GLDC: variants seen among roughly 807,000 people sequenced by gnomAD.
The protein encoded by GLDC is glycine dehydrogenase (decarboxylating), mitochondrial.
Under a neutral mutation model 121.3 loss-of-function variants are expected in GLDC, and 104 were observed. The observed-to-expected ratio is 0.86, with a 90% CI of 0.73 to 1.01. GLDC has a LOEUF of 1.01. GLDC is among the 50% of genes least tolerant of loss of function. The pLI is 0.00. For missense variants in GLDC, 1,429 were observed against 1,306.6 expected, an observed-to-expected ratio of 1.09 and a Z score of -1.44; for synonymous variants, 546 against 480.6, an observed-to-expected ratio of 1.14 and a Z score of -1.78.
intron 15 of GLDC, among the ~76,000 whole-genome samples, chr9:6,577,126 G>A (rs956358353): frequency 2.0e-5 from 3 of 152,218 alleles, no homozygotes; most frequent in Non-Finnish European, 2.9e-5. Context: ...AGAAGACAGC[G>A]CGGAAAGGCA....
rs941988795 is a variant in GLDC at position 6,620,097 on chromosome 9, G to A, written c.470+87C>T. The A allele has an allele frequency of 6.7e-5, 88 of 1,314,730 alleles. 1 individual carries two copies. The highest frequency in any genetic ancestry group is 3.3e-4 in the African/African-American group (23 of 69,488). The allele number at this position is 1,314,730 out of a possible 1,614,324, so 81.4% of individuals were successfully genotyped here. A position where few individuals can be genotyped will look rare whatever the true frequency, so the allele number is the denominator to read the frequency against. On this transcript the variant is annotated intron_variant, in intron 3 of 24. Coordinates refer to ENST00000321612, the MANE Select transcript of GLDC (RefSeq NM_000170.3). ...CTAGGAGGTGGGTGTCAGTGTGGAG[G>A]CTCTGAGACTGCAAGGGGACAGATG...
intron 15 of GLDC, among the ~76,000 whole-genome samples, chr9:6,567,908 T>A (rs1199700817): frequency 6.6e-6 from 1 of 152,254 alleles, no homozygotes; most frequent in Non-Finnish European, 1.5e-5. Context: ...GTACTCTGCA[T>A]GTAGTAGTTC....
At chr9:6,535,739 T>C (rs1480746044) in intron 23 of GLDC, among the ~76,000 whole-genome samples, 1 of 152,208 alleles carries the variant, frequency 6.6e-6, no homozygotes, top group African/African-American at 2.4e-5. Flanking sequence ...GAATGTGTGC[T>C]TGTACAGAGT....
intron 21 of GLDC, among the ~76,000 whole-genome samples, chr9:6,548,832 G>A (rs780319625): frequency 2.6e-5 from 4 of 152,062 alleles, no homozygotes; most frequent in African/African-American, 9.7e-5. Context: ...TCCCCCATCT[G>A]TTTTTCTCTC....
intron 15 of GLDC, among the ~76,000 whole-genome samples, chr9:6,575,130 C>T (rs982984117): frequency 2.0e-5 from 3 of 150,056 alleles, no homozygotes; most frequent in Non-Finnish European, 4.4e-5. Context: ...CGCTTGAATT[C>T]GGGAGTCAGA....
chr9:6,542,930 T>C (rs1026144465), intron 21 of GLDC, among the ~76,000 whole-genome samples: 2 of 139,222 alleles, frequency 1.4e-5, no homozygotes, highest in African/African-American at 5.3e-5. Flanking sequence ...ATCCTATTCA[T>C]GGGTAGGTAA....
At chr9:6,563,409 G>A (rs1048558573) in intron 16 of GLDC, among the ~76,000 whole-genome samples, 20 of 152,308 alleles carry the variant, frequency 1.3e-4, no homozygotes, top group South Asian at 4.1e-4. Flanking sequence ...TGGAGGAGTC[G>A]GGTGGAGATG....
At chr9:6,554,213 C>A (rs552862510) in intron 19 of GLDC, among the ~76,000 whole-genome samples, 1 of 152,248 alleles carries the variant, frequency 6.6e-6, no homozygotes, top group African/African-American at 2.4e-5. Flanking sequence ...TTTCTAGTAA[C>A]CAGGTTTGTT....
chr9:6,612,383 TAAG>T (rs958875536), intron 3 of GLDC, among the ~76,000 whole-genome samples: 4 of 151,970 alleles, frequency 2.6e-5, no homozygotes, highest in East Asian at 3.9e-4. Context: ...CTGTCAAAGA[TAAG>T]AAGATGTTGG....
intron 24 of GLDC, among the ~76,000 whole-genome samples, chr9:6,533,559 T>G (rs1360004036): frequency 2.0e-5 from 3 of 152,214 alleles, no homozygotes; most frequent in Admixed American, 6.5e-5. Flanking sequence ...ATTCAGTTGA[T>G]TTAAAAGTTA....
At position 6,645,685 on chromosome 9, in the gene GLDC, G is replaced by C. The variant is rs899672550; in HGVS notation, c.-186C>G. The C allele has an allele frequency of 5.7e-6, 2 of 350,192 alleles. No individual in the cohort carries two copies. The highest frequency in any genetic ancestry group is 5.0e-5 in the African/African-American group (2 of 39,698). 21.7% of individuals were successfully genotyped at this position (350,192 alleles called of 1,614,324 possible). On this transcript the variant is annotated 5_prime_UTR_variant, in exon 1 of 25. Transcript: ENST00000321612. Reference sequence around the variant, plus strand: ...GGCGCTGCGCTCAACCAAGACACTCGCGCAAAGTTGTGGCTCCACCCAAGG... The same window carrying C: ...GGCGCTGCGCTCAACCAAGACACTCCCGCAAAGTTGTGGCTCCACCCAAGG...
At position 6,544,620 on chromosome 9, in the gene GLDC, C is replaced by T. The variant is rs145722977; in HGVS notation, c.2570-4474G>A. The stretch of plus-strand genomic sequence containing the variant: ...CACCACTGGACTCTAGCCTGGGTGA[C>T]AGAGCAAGACTCTGTCTCAAAAAAA... On this transcript the variant is annotated intron_variant, in intron 21 of 24. Coordinates refer to ENST00000321612, the MANE Select transcript of GLDC (RefSeq NM_000170.3). Among the ~76,000 whole-genome samples, 917 of 113,350 alleles carry T rather than the reference C, an allele frequency of 8.1e-3. 12 individuals carry two copies. Among genetic ancestry groups the T allele is most frequent in the African/African-American group, 0.032 (883 of 27,328 alleles). The allele number at this position is 113,350 out of a possible 152,430, so 74.4% of individuals were successfully genotyped here.
intron 11 of GLDC, among the ~76,000 whole-genome samples, chr9:6,591,665 A>G (rs1375361448): frequency 6.6e-6 from 1 of 152,122 alleles, no homozygotes; most frequent in Non-Finnish European, 1.5e-5. Flanking sequence ...GCTCACTGCA[A>G]CCGCCGCCTC....
At chr9:6,613,507 A>G (rs1353448958) in intron 3 of GLDC, among the ~76,000 whole-genome samples, 1 of 152,326 alleles carries the variant, frequency 6.6e-6, no homozygotes, top group African/African-American at 2.4e-5. Flanking sequence ...TTCAGTTAAC[A>G]TTATTCCATG....
chr9:6,554,838 T>A, intron 18 of GLDC, 57 bp from the exon 19 acceptor site: 1 of 1,304,860 alleles, frequency 7.7e-7, no homozygotes, highest in Non-Finnish European at 1.1e-6. Flanking sequence ...CACCCTCCAG[T>A]GTGAAGGCCA....
chr9:6,643,888 G>A (rs189053295), intron 2 of GLDC, among the ~76,000 whole-genome samples: 78 of 151,556 alleles, frequency 5.1e-4, no homozygotes, highest in Admixed American at 4.6e-4. Context: ...ATAAAAATGA[G>A]CCTGGTGTGG....
At chr9:6,624,699 C>T (rs1208306211) in intron 2 of GLDC, among the ~76,000 whole-genome samples, 1 of 152,132 alleles carries the variant, frequency 6.6e-6, no homozygotes, top group Admixed American at 6.5e-5. Flanking sequence ...AAAAAAGGCT[C>T]AGGTTGGTGG....
intron 15 of GLDC, among the ~76,000 whole-genome samples, chr9:6,573,436 G>C (rs1457625299): frequency 1.3e-5 from 2 of 151,972 alleles, no homozygotes; most frequent in East Asian, 3.9e-4. Context: ...ACTCCAGCCT[G>C]GGCAACAGAG....
At chr9:6,581,037 C>T (rs1818161520) in intron 15 of GLDC, among the ~76,000 whole-genome samples, 2 of 152,200 alleles carry the variant, frequency 1.3e-5, no homozygotes, top group Admixed American at 6.5e-5. Flanking sequence ...GCCTCTCCAC[C>T]TGAGGGTGTT....
Sources: gnomAD v4.1 joint callset for allele counts (sites outside exome capture counted in the v4.1 genomes callset) on GRCh38, gnomAD v4.1.1 for gene constraint, MANE v1.5 for transcripts, NCBI Gene and HGNC (gene_info 2026-07-23, HGNC 2026-07-21) for gene names.